The following SLC18A1 variants were observed in gnomAD, a reference collection of about 807,000 sequenced individuals.
SLC18A1 encodes the protein solute carrier family 18 member A1.
In SLC18A1, 69 loss-of-function variants were observed where a neutral mutation model predicts 53.7. The ratio of observed to expected loss-of-function variants is 1.28; its 90% CI spans 1.06 to 1.57. The LOEUF (loss-of-function observed/expected upper bound fraction) is 1.57. SLC18A1 is among the 40% of genes most tolerant of loss of function. The pLI, the probability that SLC18A1 is intolerant of heterozygous loss-of-function variation, is 0.00. For synonymous variants in SLC18A1, 320 were observed against 248.1 expected, an observed-to-expected ratio of 1.29 and a Z score of -2.72; for missense variants, 932 against 668.1, an observed-to-expected ratio of 1.40 and a Z score of -4.35.
At chr8:20,169,895 A>G (rs73669733) in intron 8 of SLC18A1, among the ~76,000 whole-genome samples, 7,219 of 152,182 alleles carry the variant, frequency 0.047, 490 homozygotes, top group East Asian at 0.28. Flanking sequence ...GTAGATATTT[A>G]TGGGTGCCTC....
intron 1 of SLC18A1, chr8:20,181,607 G>C (rs1393989104): frequency 6.6e-6 from 1 of 152,072 alleles, no homozygotes; most frequent in Non-Finnish European, 1.5e-5. Context: ...AACCAACATA[G>C]ATATTGATAT....
chr8:20,146,502 TC>T lies in SLC18A1; in HGVS notation c.1465-627del, dbSNP rs1281027201. Among the ~76,000 whole-genome samples, 7 of 152,322 alleles carry T rather than the reference TC, an allele frequency of 4.6e-5. No homozygotes were observed. The East Asian group carries it at 1.3e-3, about 29-fold the overall frequency. ...CTTTTGTTCCCTTGAGCAGCCTCTG[TC>T]GGTATCCCAAACCCATCAGGCCCTC... On this transcript the variant is annotated intron_variant, in intron 15 of 15. Transcript: ENST00000276373.
intron 4 of SLC18A1, among the ~76,000 whole-genome samples, chr8:20,175,000 T>C (rs140753137): frequency 1.8e-3 from 277 of 152,340 alleles, no homozygotes; most frequent in African/African-American, 6.1e-3. Flanking sequence ...TCAGCAGGTA[T>C]TAAATTATAC....
chr8:20,175,823 G>C (rs184807689), intron 4 of SLC18A1: 1 of 152,058 alleles, frequency 6.6e-6, no homozygotes, highest in Non-Finnish European at 1.5e-5. Context: ...TGATCACACC[G>C]AACTTCTCCT....
intron 3 of SLC18A1, 43 bp from the exon 4 acceptor site, chr8:20,178,536 C>T (rs923456278): frequency 1.2e-5 from 17 of 1,401,232 alleles, no homozygotes; most frequent in Non-Finnish European, 1.6e-5. Flanking sequence ...TTCCAACAGG[C>T]ACTCACATAC....
intron 8 of SLC18A1, among the ~76,000 whole-genome samples, chr8:20,166,773 A>C (rs1228444003): frequency 3.3e-5 from 5 of 152,180 alleles, no homozygotes; most frequent in Non-Finnish European, 5.9e-5. Context: ...GTTTGGAGAC[A>C]GTATCTTCAG....
chr8:20,169,901 G>A (rs950329405), intron 8 of SLC18A1, among the ~76,000 whole-genome samples: 4 of 152,138 alleles, frequency 2.6e-5, no homozygotes, highest in African/African-American at 9.7e-5. Flanking sequence ...ATTTATGGGT[G>A]CCTCACTTTC....
At position 20,180,831 on chromosome 8, in the gene SLC18A1, A is replaced by G. The variant is rs2072406142; in HGVS notation, c.124+10T>C. On this transcript the variant is annotated intron_variant, in intron 2 of 15. Transcript: ENST00000276373. ...AAATTAACCCTCAGCACAAAGACCC[A>G]CAAACGTACCCACCACAGTAAACAG... 1 of 1,613,786 alleles carries G rather than the reference A, an allele frequency of 6.2e-7. No individual in the cohort carries two copies.
intron 10 of SLC18A1, among the ~76,000 whole-genome samples, chr8:20,160,359 A>T (rs116059469): frequency 6.6e-6 from 1 of 150,734 alleles, no homozygotes; most frequent in Non-Finnish European, 1.5e-5. Context: ...ATTTTTCTCA[A>T]TCCACGTTGC....
chr8:20,156,219 T>C (rs911097019), intron 10 of SLC18A1, among the ~76,000 whole-genome samples: 3 of 150,702 alleles, frequency 2.0e-5, no homozygotes, highest in Non-Finnish European at 2.9e-5. Flanking sequence ...GGAAACCTCA[T>C]TGTGAGCACA....
intron 8 of SLC18A1, among the ~76,000 whole-genome samples, chr8:20,167,631 G>GT (rs1208540809): frequency 6.6e-6 from 1 of 151,148 alleles, no homozygotes; most frequent in Non-Finnish European, 1.5e-5. Flanking sequence ...TGTTTTTTTT[G>GT]TTTTTTTGAG....
intron 10 of SLC18A1, among the ~76,000 whole-genome samples, chr8:20,159,937 A>C (rs2071780833): frequency 6.6e-6 from 1 of 152,158 alleles, no homozygotes; most frequent in South Asian, 2.1e-4. Context: ...TGGCTCTGGT[A>C]TAAGGAACTG....
chr8:20,171,020 C>A (rs772202942), intron 8 of SLC18A1, 83 bp downstream of exon 8: 1 of 1,364,534 alleles, frequency 7.3e-7, no homozygotes, highest in Admixed American at 1.7e-5. Context: ...CACTTTTCTT[C>A]TTATGGTTTG....
chr8:20,159,230 C>A (rs956004113), intron 10 of SLC18A1, among the ~76,000 whole-genome samples: 9 of 152,114 alleles, frequency 5.9e-5, no homozygotes, highest in African/African-American at 2.2e-4. Flanking sequence ...TGCCCCAGTT[C>A]GGCAGGAAGC....
chr8:20,167,970 C>T lies in SLC18A1; in HGVS notation c.859-2863G>A, dbSNP rs146494785. ...TTCCCTACTAACAAGAACCTGGGCT[C>T]CTTGGGGAAATGAATTCAGGGCTGA... On this transcript the variant is annotated intron_variant, in intron 8 of 15. Transcript: ENST00000276373. Among the ~76,000 whole-genome samples the T allele has an allele frequency of 3.1e-4, 47 of 151,988 alleles. 1 individual carries two copies. In the East Asian group the frequency reaches 8.7e-3, roughly 28 times the overall value.
Position 20,147,322 on chromosome 8 carries a change from A to C in SLC18A1, c.1400T>G (p.Ile467Ser), listed in dbSNP as rs1241963024. 1 of 1,613,704 alleles carries C rather than the reference A, an allele frequency of 6.2e-7. No homozygotes were observed. The highest frequency in any genetic ancestry group is 8.5e-7 in the Non-Finnish European group (1 of 1,179,940). The change falls in exon 15 of 16, where the codon ATC becomes AGC. Residue 467 changes from isoleucine (I) to serine (S), a missense_variant. Ile to Ser is a moderately radical substitution (Grantham distance 142). Coordinates refer to ENST00000276373, the MANE Select transcript of SLC18A1 (RefSeq NM_003053.4). Reference protein sequence around the residue: ...FPWLMVITGVINIVYAPLCYY... With the variant: ...FPWLMVITGVSNIVYAPLCYY... The stretch of plus-strand genomic sequence containing the variant: ...GCAGAGTGGAGCATAGACGATGTTG[A>C]TGACCCCAGTGATGACCATGAGCCA...
intron 10 of SLC18A1, among the ~76,000 whole-genome samples, chr8:20,151,797 T>C (rs954974325): frequency 6.6e-6 from 1 of 152,022 alleles, no homozygotes; most frequent in Non-Finnish European, 1.5e-5. Context: ...GTCTCTTCCA[T>C]TCATTCATTC....
intron 1 of SLC18A1, among the ~76,000 whole-genome samples, chr8:20,181,563 A>G (rs1001299067): frequency 2.0e-5 from 3 of 152,184 alleles, no homozygotes; most frequent in African/African-American, 7.2e-5. Context: ...CCTGGACTAC[A>G]TAGCAAGACC....
At chr8:20,146,990 T>C (rs914932660) in intron 15 of SLC18A1, among the ~76,000 whole-genome samples, 1 of 152,148 alleles carries the variant, frequency 6.6e-6, no homozygotes, top group East Asian at 1.9e-4. Context: ...AGGATGTCTT[T>C]GATGGTCCTC....
Sources: gnomAD v4.1 joint callset for allele counts (sites outside exome capture counted in the v4.1 genomes callset) on GRCh38, gnomAD v4.1.1 for gene constraint, MANE v1.5 for transcripts, NCBI Gene and HGNC (gene_info 2026-07-23, HGNC 2026-07-21) for gene names.